Variants in VSTM4 observed in about 807,000 individuals in gnomAD.
The protein encoded by VSTM4 is V-set and transmembrane domain-containing protein 4.
VSTM4 carries 20 observed loss-of-function variants against 36.4 expected under a neutral mutation model. The ratio of observed to expected loss-of-function variants is 0.55; its 90% CI spans 0.39 to 0.80. The LOEUF is 0.80. Among genes scored for constraint, VSTM4 ranks in the 30% least tolerant of loss-of-function variants. The pLI is 0.00. For synonymous variants in VSTM4, 182 were observed against 173.9 expected (o/e 1.05, Z -0.37); for missense variants, 392 against 404.5 (o/e 0.97, Z 0.26).
chr10:49,017,564 A>G lies in VSTM4; in HGVS notation c.*2086T>C, dbSNP rs1245030633. ...TGGTAGAATGTGTTCCTGTCCATGCATAATAACCCTAAGCTCTCTTTGGAT... is the reference window on the plus strand; with the variant it reads ...TGGTAGAATGTGTTCCTGTCCATGCGTAATAACCCTAAGCTCTCTTTGGAT... On this transcript the variant is annotated 3_prime_UTR_variant, in exon 8 of 8. Coordinates refer to ENST00000332853, the MANE Select transcript of VSTM4 (RefSeq NM_001031746.5). The G allele has an allele frequency of 6.6e-6, 1 of 152,256 alleles. No individual in the cohort carries two copies. The highest frequency in any genetic ancestry group is 1.5e-5 in the Non-Finnish European group (1 of 68,070). 9.4% of individuals were successfully genotyped at this position (152,256 alleles called of 1,614,324 possible).
At chr10:49,114,575 C>A (rs1447765774) in intron 1 of VSTM4, among the ~76,000 whole-genome samples, 1 of 133,196 alleles carries the variant, frequency 7.5e-6, no homozygotes, top group African/African-American at 3.2e-5. Context: ...GTGAGATTAA[C>A]CAAGTTCATG....
Position 49,073,834 on chromosome 10 carries a change from C to T in VSTM4, c.634+3385G>A, listed in dbSNP as rs1390195775. On this transcript the variant is annotated intron_variant, in intron 4 of 7. Coordinates refer to ENST00000332853, the MANE Select transcript of VSTM4 (RefSeq NM_001031746.5). ...ACATTCATGCAGAAAAGAGGAAACC[C>T]ATTCATGAGAGCCTGGAAGCTAAGT... is the stretch of plus-strand genomic sequence containing the variant. 1.1e-4 allele frequency among the ~76,000 whole-genome samples: 17 copies of T among 152,192 alleles called. 1 individual carries two copies. The highest frequency in any genetic ancestry group is 2.9e-5 in the Non-Finnish European group (2 of 68,036).
intron 4 of VSTM4, among the ~76,000 whole-genome samples, chr10:49,071,701 C>T (rs1028293930): frequency 3.3e-5 from 5 of 152,222 alleles, no homozygotes; most frequent in Admixed American, 2.0e-4. Flanking sequence ...ACCAGCTACT[C>T]TGATGTCCTC....
chr10:49,092,741 A>C (rs993600194), intron 2 of VSTM4, among the ~76,000 whole-genome samples: 1 of 152,142 alleles, frequency 6.6e-6, no homozygotes, highest in Non-Finnish European at 1.5e-5. Flanking sequence ...GGCCTATAAA[A>C]AGTTGAGAAC....
chr10:49,026,452 C>T (rs1405280922), intron 7 of VSTM4, among the ~76,000 whole-genome samples: 2 of 152,204 alleles, frequency 1.3e-5, no homozygotes, highest in Non-Finnish European at 1.5e-5. Context: ...CTGGACTATG[C>T]CCAGATATCT....
At chr10:49,034,975 C>T (rs916079525) in intron 7 of VSTM4, among the ~76,000 whole-genome samples, 5 of 152,162 alleles carry the variant, frequency 3.3e-5, no homozygotes, top group Admixed American at 1.3e-4. Flanking sequence ...AAATGAAGTG[C>T]CCAATAACGG....
At chr10:49,033,613 C>T (rs573887518) in intron 7 of VSTM4, among the ~76,000 whole-genome samples, 1 of 152,282 alleles carries the variant, frequency 6.6e-6, no homozygotes, top group East Asian at 1.9e-4. Context: ...TCAGACTTTA[C>T]CAAGTACTTT....
At chr10:49,027,715 T>C (rs1843284993) in intron 7 of VSTM4, among the ~76,000 whole-genome samples, 1 of 152,240 alleles carries the variant, frequency 6.6e-6, no homozygotes, top group Admixed American at 6.5e-5. Context: ...CTTCTGGGAT[T>C]GGCTTTTTTT....
chr10:49,109,811 G>A (rs1039386737), intron 1 of VSTM4, among the ~76,000 whole-genome samples: 6 of 152,162 alleles, frequency 3.9e-5, no homozygotes, highest in East Asian at 1.9e-4. Flanking sequence ...TAGCAATCCC[G>A]CTGTCATCAG....
chr10:49,072,589 G>T (rs1844100680), intron 4 of VSTM4, among the ~76,000 whole-genome samples: 1 of 152,128 alleles, frequency 6.6e-6, no homozygotes, highest in Non-Finnish European at 1.5e-5. Context: ...TCTTCCCTAA[G>T]TCTGGCCCGT....
chr10:49,107,781 G>A lies in VSTM4; in HGVS notation c.270C>T (p.Phe90=). 1 of 1,614,266 alleles carries A rather than the reference G, an allele frequency of 6.2e-7. No individual in the cohort carries two copies. Among genetic ancestry groups the A allele is most frequent in the East Asian group, 2.2e-5 (1 of 44,884 alleles). ...KLRVVQYYGN[F]SRSAKRRRLR... is the part of the protein sequence containing the mutation. ...GCCTCCGCCGTTTGGCGCTGCGGCT[G>A]AAATTCCCATAGTACTGCACCACCC... The change falls in exon 2 of 8, where the codon TTC becomes TTT. Residue 90 remains phenylalanine, a synonymous_variant. Coordinates refer to ENST00000332853, the MANE Select transcript of VSTM4 (RefSeq NM_001031746.5).
intron 2 of VSTM4, chr10:49,103,736 C>G: frequency 1.2e-6 from 2 of 1,611,794 alleles, no homozygotes; most frequent in Non-Finnish European, 1.7e-6. Flanking sequence ...GCAATTTTAT[C>G]TCACATCAAG....
At chr10:49,032,384 G>A (rs1843360176) in intron 7 of VSTM4, among the ~76,000 whole-genome samples, 1 of 152,194 alleles carries the variant, frequency 6.6e-6, no homozygotes, top group Non-Finnish European at 1.5e-5. Flanking sequence ...CCAGGGCCGT[G>A]TGGATAAATG....
At chr10:49,064,580 T>A (rs921275635) in intron 5 of VSTM4, 123 bp downstream of exon 5, 1 of 1,154,354 alleles carries the variant, frequency 8.7e-7, no homozygotes, top group African/African-American at 1.6e-5. Context: ...TTTGCAGGCA[T>A]ATTTGTGGAC....
chr10:49,033,231 G>C (rs372731038), intron 7 of VSTM4, among the ~76,000 whole-genome samples: 1 of 152,170 alleles, frequency 6.6e-6, no homozygotes, highest in Non-Finnish European at 1.5e-5. Flanking sequence ...AGATCTATAC[G>C]TACTGATGTA....
At chr10:49,057,331 T>C (rs1002079170) in intron 5 of VSTM4, among the ~76,000 whole-genome samples, 9 of 152,196 alleles carry the variant, frequency 5.9e-5, no homozygotes, top group African/African-American at 2.2e-4. Context: ...TTGCAGAGTT[T>C]TTCTGAGAAT....
rs1375442825 is a variant in VSTM4 at position 49,069,980 on chromosome 10, C to T, written c.635-5244G>A. Among the ~76,000 whole-genome samples, 2 of 61,872 alleles carry T rather than the reference C, an allele frequency of 3.2e-5. 1 individual carries two copies. The allele number at this position is 61,872 out of a possible 152,430, so 40.6% of individuals were successfully genotyped here. A position where few individuals can be genotyped will look rare whatever the true frequency, so the allele number is the denominator to read the frequency against. On this transcript the variant is annotated intron_variant, in intron 4 of 7. Transcript: ENST00000332853. ...TAAAAAAAGAAATATCGGCCGGGCGCGGTGGCTCACGCCTGTAATCCCAGC... is the reference window on the plus strand; with the variant it reads ...TAAAAAAAGAAATATCGGCCGGGCGTGGTGGCTCACGCCTGTAATCCCAGC...
intron 7 of VSTM4, among the ~76,000 whole-genome samples, chr10:49,028,265 C>T (rs1460259065): frequency 1.3e-5 from 2 of 152,166 alleles, no homozygotes; most frequent in Non-Finnish European, 2.9e-5. Context: ...TCACACAGAC[C>T]AGGTTTAAAA....
intron 7 of VSTM4, among the ~76,000 whole-genome samples, chr10:49,020,727 A>AG (rs1554828653): frequency 0.017 from 1,299 of 74,608 alleles, 30 homozygotes; most frequent in African/African-American, 0.047. Context: ...GAAGGAAAGA[A>AG]GAAGGAAGGA....
Sources: allele counts gnomAD v4.1 joint callset (sites outside exome capture counted in the v4.1 genomes callset), GRCh38; gene constraint gnomAD v4.1.1; transcripts MANE v1.5; gene names NCBI Gene and HGNC (gene_info 2026-07-23, HGNC 2026-07-21).